The following CYGB variants were observed in gnomAD, a reference collection of about 807,000 sequenced individuals.
CYGB encodes the protein histoglobin.
A neutral mutation model predicts 20.7 loss-of-function variants in CYGB; 13 were observed. The ratio of observed to expected loss-of-function variants is 0.63; its 90% confidence interval spans 0.41 to 1.00. The LOEUF is 1.00. Among genes scored for constraint, CYGB ranks in the 50% least tolerant of loss-of-function variants. The probability of loss-of-function intolerance (pLI) is 0.00; values close to 1 mark genes in which losing one functional copy is unlikely to be tolerated. For missense variants in CYGB, 218 were observed against 257.2 expected (o/e 0.85, Z 1.04); for synonymous variants, 93 against 107.4 (o/e 0.87, Z 0.83).
chr17:76,540,178 A>T, upstream of CYGB: 1 of 1,553,876 alleles, frequency 6.4e-7, no homozygotes. The surrounding 1 kb of genome is among the most constrained non-coding windows in gnomAD (Gnocchi z 5.0). Flanking sequence ...CACCCTGGCC[A>T]TGCTCTGGCG....
chr17:76,550,160 T>C (rs1362612075), intron 1 of CYGB: 1 of 151,826 alleles, frequency 6.6e-6, no homozygotes, highest in Non-Finnish European at 1.5e-5. Flanking sequence ...TTCATCATAT[T>C]GGCCAGGCTG....
At chr17:76,541,486 A>G (rs1271830653), upstream of CYGB, among the ~76,000 whole-genome samples, 1 of 152,072 alleles carries the variant, frequency 6.6e-6, no homozygotes, top group Middle Eastern at 3.2e-3. Context: ...TGTCCCTTAG[A>G]TATGCGGAAA....
intron 1 of CYGB, among the ~76,000 whole-genome samples, chr17:76,543,611 C>T (rs145042171): frequency 5.9e-5 from 9 of 152,318 alleles, no homozygotes; most frequent in East Asian, 1.9e-4. Context: ...GCAGAGCCCA[C>T]GCTCCTACCC....
At chr17:76,535,405 A>G (rs1317406063) in intron 1 of CYGB, among the ~76,000 whole-genome samples, 1 of 152,144 alleles carries the variant, frequency 6.6e-6, no homozygotes, top group African/African-American at 2.4e-5. Flanking sequence ...GACCTTCAGG[A>G]GCCCTTATCC....
At position 76,537,611 on chromosome 17, in the gene CYGB, G is replaced by C; in HGVS notation, c.-69C>G. 2.9e-6 allele frequency: 3 copies of C among 1,026,554 alleles called. No individual in the cohort carries two copies. Among genetic ancestry groups the C allele is most frequent in the Non-Finnish European group, 2.3e-6 (2 of 857,460 alleles). 63.6% of individuals were successfully genotyped at this position (1,026,554 alleles called of 1,614,324 possible). The stretch of plus-strand genomic sequence containing the variant: ...GGCGGGGCGCGGGGCGCGGGGCGCG[G>C]GGCGCCGGGAGCCGGGGCCGGCTGC... On this transcript the variant is annotated 5_prime_UTR_variant, in exon 1 of 4. Transcript: ENST00000293230.
chr17:76,540,430 G>A (rs1183283000), upstream of CYGB: 5 of 1,518,186 alleles, frequency 3.3e-6, no homozygotes, highest in Middle Eastern at 1.7e-4. The surrounding 1 kb of genome is among the most constrained non-coding windows in gnomAD (Gnocchi z 5.0). Context: ...AGCCCAATGC[G>A]GCCTGGACCT....
At chr17:76,532,362 C>T (rs938373627) in intron 1 of CYGB, among the ~76,000 whole-genome samples, 1 of 152,110 alleles carries the variant, frequency 6.6e-6, no homozygotes, top group Non-Finnish European at 1.5e-5. Context: ...CATGCCTTAC[C>T]TGGAGCAGGC....
chr17:76,528,110 A>C lies in CYGB; in HGVS notation c.*468T>G. ...GGCGCCGCGGATACACATTCTAGAT[A>C]TGTATGTGTGTATATATATATGTAT... On this transcript the variant is annotated 3_prime_UTR_variant, in exon 4 of 4. Transcript: ENST00000293230. This position sits in a 1 kb window ranked among gnomAD's most constrained non-coding sequence, Gnocchi z 5.8. 2 of 408,334 alleles carry C rather than the reference A, an allele frequency of 4.9e-6. No individual in the cohort carries two copies. The highest frequency in any genetic ancestry group is 4.5e-5 in the East Asian group (1 of 22,022). The allele number at this position is 408,334 out of a possible 1,614,324, so 25.3% of individuals were successfully genotyped here. A position where few individuals can be genotyped will look rare whatever the true frequency, so the allele number is the denominator to read the frequency against.
intron 1 of CYGB, among the ~76,000 whole-genome samples, chr17:76,547,991 T>G (rs897104391): frequency 1.3e-5 from 2 of 149,032 alleles, no homozygotes; most frequent in African/African-American, 5.0e-5. Context: ...TACATACACA[T>G]TCACACACAC....
intron 1 of CYGB, among the ~76,000 whole-genome samples, chr17:76,547,967 CAT>C (rs1162369359): frequency 2.0e-5 from 3 of 151,498 alleles, no homozygotes; most frequent in Non-Finnish European, 4.4e-5. Flanking sequence ...CACACATACA[CAT>C]AAACATACAC....
intron 1 of CYGB, among the ~76,000 whole-genome samples, chr17:76,532,354 T>C (rs2074855237): frequency 6.6e-6 from 1 of 152,104 alleles, no homozygotes; most frequent in African/African-American, 2.4e-5. Flanking sequence ...GTGTCAGACA[T>C]GCCTTACCTG....
rs2074837160 is a variant in CYGB, at chr17:76,531,240, C to G, written c.376-98G>C. On this transcript the variant is annotated intron_variant, in intron 2 of 3. Transcript: ENST00000293230. The surrounding 1 kb of genome is among the most constrained non-coding windows in gnomAD (Gnocchi z 7.4). Reference sequence around the variant, plus strand: ...CCCACGTGTGGCCGAGAGGATCATTCCTAACGCAACAGTCTGGCAGCTTTG... The same window carrying G: ...CCCACGTGTGGCCGAGAGGATCATTGCTAACGCAACAGTCTGGCAGCTTTG... The G allele has an allele frequency of 1.5e-6, 2 of 1,364,484 alleles. No homozygotes were observed. The highest frequency in any genetic ancestry group is 2.0e-6 in the Non-Finnish European group (2 of 994,494). 84.5% of individuals were successfully genotyped at this position (1,364,484 alleles called of 1,614,324 possible). A position where few individuals can be genotyped will look rare whatever the true frequency, so the allele number is the denominator to read the frequency against.
rs2074826148 is a variant in CYGB, at chr17:76,530,675, C to T, written c.539+304G>A. ...TTACCGCCAGGAGCCTCTGGCGCCTCTCTGCCTGGGCAGCTGTGGCTTTGG... is the reference window on the plus strand; with the variant it reads ...TTACCGCCAGGAGCCTCTGGCGCCTTTCTGCCTGGGCAGCTGTGGCTTTGG... On this transcript the variant is annotated intron_variant, in intron 3 of 3. Transcript: ENST00000293230. This position sits in a 1 kb window ranked among gnomAD's most constrained non-coding sequence, Gnocchi z 6.1. Among the ~76,000 whole-genome samples, 1 of 152,208 alleles carries T rather than the reference C, an allele frequency of 6.6e-6. No individual in the cohort carries two copies. Among genetic ancestry groups the T allele is most frequent in the Non-Finnish European group, 1.5e-5 (1 of 68,022 alleles).
In CYGB at chr17:76,531,158, G is replaced by A; in HGVS notation, c.376-16C>T. 6.2e-7 allele frequency: 1 copy of A among 1,607,786 alleles called. No homozygotes were observed. The highest frequency in any genetic ancestry group is 8.5e-7 in the Non-Finnish European group (1 of 1,175,706). On this transcript the variant is annotated splice_polypyrimidine_tract_variant and intron_variant, in intron 2 of 3. Transcript: ENST00000293230. This position sits in a 1 kb window ranked among gnomAD's most constrained non-coding sequence, Gnocchi z 7.4. ...CAGAGAGGATCTGGGGGCAAAGGGA[G>A]GAAGGGGGAGTGAACGCCCGGGCGC...
rs374922957 is a variant in CYGB, at chr17:76,534,414, G to A, written c.144-2723C>T. 1.2e-4 allele frequency among the ~76,000 whole-genome samples: 19 copies of A among 152,238 alleles called. No homozygotes were observed. The East Asian group carries it at 1.5e-3, about 12-fold the overall frequency. On this transcript the variant is annotated intron_variant, in intron 1 of 3. Transcript: ENST00000293230. ...GGCTGGTGTCGAACTCCTGACCTCC[G>A]GTGATCTGCCTGCCTCGGCCTCACA... is the stretch of plus-strand genomic sequence containing the variant.
At chr17:76,547,650 CACA>C (rs2075064846) in intron 1 of CYGB, among the ~76,000 whole-genome samples, 1 of 151,378 alleles carries the variant, frequency 6.6e-6, no homozygotes, top group Non-Finnish European at 1.5e-5. Context: ...CATTCACACA[CACA>C]CACACACACA....
exon 1 of CYGB, chr17:76,550,897 C>A (rs2075102910): frequency 6.6e-6 from 1 of 152,272 alleles, no homozygotes; most frequent in African/African-American, 2.4e-5. Context: ...CCCCGAAGCA[C>A]TGATTTAACG....
chr17:76,528,568 GTT>G lies in CYGB; in HGVS notation c.*8_*9del. ...AGGTGCTGCCAGGGAGGGGGGTGGA[GTT>G]AGGGGTCCTACGGCCCCGAAGAGGG... is the stretch of plus-strand genomic sequence containing the variant. On this transcript the variant is annotated 3_prime_UTR_variant, in exon 4 of 4. Coordinates refer to ENST00000293230, the MANE Select transcript of CYGB (RefSeq NM_134268.5). This position sits in a 1 kb window ranked among gnomAD's most constrained non-coding sequence, Gnocchi z 5.8. 7.7e-7 allele frequency: 1 copy of G among 1,290,756 alleles called. No individual in the cohort carries two copies. Among genetic ancestry groups the G allele is most frequent in the Non-Finnish European group, 9.9e-7 (1 of 1,011,698 alleles). 80.0% of individuals were successfully genotyped at this position (1,290,756 alleles called of 1,614,324 possible).
upstream of CYGB, chr17:76,540,579 G>A: frequency 1.2e-6 from 2 of 1,613,168 alleles, no homozygotes; most frequent in South Asian, 2.2e-5. This position sits in a 1 kb window ranked among gnomAD's most constrained non-coding sequence, Gnocchi z 5.0. Context: ...GGCAGGTAAG[G>A]CAGGAGTCTG....
Sources: gnomAD v4.1 joint callset for allele counts (sites outside exome capture counted in the v4.1 genomes callset) on GRCh38, gnomAD v4.1.1 for gene constraint, Gnocchi (gnomAD v3.1) non-coding constraint, MANE v1.5 for transcripts, NCBI Gene and HGNC (gene_info 2026-07-23, HGNC 2026-07-21) for gene names.